The following SAMD4B variants were observed in gnomAD, a reference collection of about 807,000 sequenced individuals.
The protein encoded by SAMD4B is protein Smaug homolog 2.
In SAMD4B, 5 loss-of-function variants were observed where a neutral mutation model predicts 74.5. That is an observed-to-expected ratio of 0.07 (90% confidence interval 0.04 to 0.14). The LOEUF (loss-of-function observed/expected upper bound fraction) is 0.14. Among genes scored for constraint, SAMD4B ranks in the 10% least tolerant of loss-of-function variants. The pLI is 1.00. For missense variants in SAMD4B, 608 were observed against 921.8 expected (o/e 0.66, Z 4.41); for synonymous variants, 373 against 374.9 (o/e 1.00, Z 0.06).
At chr19:39,360,293 T>C (rs2076576515) in intron 3 of SAMD4B, 1 of 152,188 alleles carries the variant, frequency 6.6e-6, no homozygotes, top group Admixed American at 6.5e-5. Flanking sequence ...TCCCAGATGG[T>C]TTGCAGTGGG....
intron 3 of SAMD4B, among the ~76,000 whole-genome samples, chr19:39,367,954 C>T (rs977627579): frequency 4.0e-5 from 6 of 151,770 alleles, no homozygotes; most frequent in Admixed American, 2.0e-4. Flanking sequence ...GTGGCTCACG[C>T]CTGTAATCCC....
At chr19:39,374,594 C>T (rs1298700443) in intron 4 of SAMD4B, among the ~76,000 whole-genome samples, 1 of 152,206 alleles carries the variant, frequency 6.6e-6, no homozygotes, top group Non-Finnish European at 1.5e-5. Flanking sequence ...GTAATCCCAG[C>T]ACTTTAGGAG....
chr19:39,389,850 G>T (rs1600614907), downstream of SAMD4B: 1 of 1,553,136 alleles, frequency 6.4e-7, no homozygotes, highest in Non-Finnish European at 8.9e-7. The surrounding 1 kb of genome is among the most constrained non-coding windows in gnomAD (Gnocchi z 5.3). Context: ...CTCTGGGGAG[G>T]AACTCAGAAT....
Position 39,378,386 on chromosome 19 carries a change from T to C in SAMD4B, c.1445-118T>C. On this transcript the variant is annotated intron_variant, in intron 8 of 13. Transcript: ENST00000610417. This position sits in a 1 kb window ranked among gnomAD's most constrained non-coding sequence, Gnocchi z 4.4. ...AAATACCATGGCTAGCACTTAATAG[T>C]TGATATTCATCCAGCCTGAGTCTCC... is the stretch of plus-strand genomic sequence containing the variant. 1.3e-6 allele frequency: 1 copy of C among 799,260 alleles called. No homozygotes were observed. The highest frequency in any genetic ancestry group is 2.1e-6 in the Non-Finnish European group (1 of 472,862). The allele number at this position is 799,260 out of a possible 1,614,324, so 49.5% of individuals were successfully genotyped here.
At chr19:39,348,134 T>C (rs927554124) in intron 1 of SAMD4B, among the ~76,000 whole-genome samples, 1 of 152,150 alleles carries the variant, frequency 6.6e-6, no homozygotes, top group African/African-American at 2.4e-5. Flanking sequence ...AATCTAAGCA[T>C]TGTTACATGC....
chr19:39,390,321 G>A (rs559261552), downstream of SAMD4B: 167 of 1,593,878 alleles, frequency 1.0e-4, no homozygotes, highest in East Asian at 8.9e-4. Context: ...GTGATAGGTG[G>A]AGAGGACGGG....
chr19:39,379,439 C>T (rs1009027716), intron 9 of SAMD4B, among the ~76,000 whole-genome samples: 19 of 152,222 alleles, frequency 1.2e-4, no homozygotes, highest in African/African-American at 4.6e-4. Flanking sequence ...CTGTTCTTCT[C>T]CCTCAGGGAG....
chr19:39,389,765 G>T (rs767002882), downstream of SAMD4B: 70 of 1,614,106 alleles, frequency 4.3e-5, no homozygotes, highest in Non-Finnish European at 5.8e-5. The surrounding 1 kb of genome is among the most constrained non-coding windows in gnomAD (Gnocchi z 5.3). Flanking sequence ...GACGAACCTG[G>T]GTGGGGAAAC....
chr19:39,346,996 G>A (rs1271064993), intron 1 of SAMD4B, among the ~76,000 whole-genome samples: 1 of 152,082 alleles, frequency 6.6e-6, no homozygotes, highest in Non-Finnish European at 1.5e-5. Context: ...TAAAAAAAAA[G>A]CTCATATCAG....
chr19:39,378,286 A>G lies in SAMD4B; in HGVS notation c.1445-218A>G, dbSNP rs554254626. Among the ~76,000 whole-genome samples the G allele has an allele frequency of 6.6e-6, 1 of 152,310 alleles. No homozygotes were observed. Among genetic ancestry groups the G allele is most frequent in the Admixed American group, 6.5e-5 (1 of 15,298 alleles). On this transcript the variant is annotated intron_variant, in intron 8 of 13. Transcript: ENST00000610417. The surrounding 1 kb of genome is among the most constrained non-coding windows in gnomAD (Gnocchi z 4.4). ...GGCAAGTGACTCAACTCTGAGCTTT[A>G]GGTTTCTAAGGCTAAAAATGTGTGT...
chr19:39,386,639 C>G (rs903790467), downstream of SAMD4B: 11 of 1,600,172 alleles, frequency 6.9e-6, no homozygotes, highest in African/African-American at 1.5e-4. The surrounding 1 kb of genome is among the most constrained non-coding windows in gnomAD (Gnocchi z 6.1). Flanking sequence ...CCCCTCCTCA[C>G]CTACAACCAC....
Position 39,376,760 on chromosome 19 carries a change from A to G in SAMD4B, c.1073A>G (p.Glu358Gly), listed in dbSNP as rs913330167. 1.2e-6 allele frequency: 2 copies of G among 1,614,230 alleles called. No individual in the cohort carries two copies. The highest frequency in any genetic ancestry group is 1.7e-6 in the Non-Finnish European group (2 of 1,180,046). ...GCCCTGAGCATCCAGAAGCTGCGTGAGAGACAGAGCGTCCTCAAGTCCCTA... is the reference window on the plus strand; with the variant it reads ...GCCCTGAGCATCCAGAAGCTGCGTGGGAGACAGAGCGTCCTCAAGTCCCTA... ...KIALSIQKLRERQSVLKSLEK... is the reference protein window; with the variant it reads ...KIALSIQKLRGRQSVLKSLEK... Residue 358 changes from glutamate (E) to glycine (G), a missense_variant, in exon 7 of 14, where the codon GAG (glutamate) becomes GGG (glycine). By Grantham distance (98) the Glu-to-Gly change is moderately conservative. Coordinates refer to ENST00000610417, the MANE Select transcript of SAMD4B (RefSeq NM_001384574.2).
At chr19:39,342,899 G>A (rs2075398674) in intron 1 of SAMD4B, among the ~76,000 whole-genome samples, 1 of 145,972 alleles carries the variant, frequency 6.9e-6, no homozygotes, top group Non-Finnish European at 1.5e-5. Flanking sequence ...GCCCCGGAAA[G>A]CCTGCCGATC....
chr19:39,389,417 C>A (rs1283094987), downstream of SAMD4B: 2 of 1,610,886 alleles, frequency 1.2e-6, no homozygotes, highest in African/African-American at 2.7e-5. This position sits in a 1 kb window ranked among gnomAD's most constrained non-coding sequence, Gnocchi z 5.3. Context: ...CAGGACCCCA[C>A]TGCCCTCCTG....
intron 3 of SAMD4B, among the ~76,000 whole-genome samples, chr19:39,360,396 C>T (rs1345062577): frequency 1.3e-5 from 2 of 151,956 alleles, no homozygotes; most frequent in Admixed American, 6.6e-5. Context: ...TATCCATAGC[C>T]CCATATCAGA....
At chr19:39,343,852 C>T (rs1600503799) in intron 1 of SAMD4B, among the ~76,000 whole-genome samples, 1 of 151,926 alleles carries the variant, frequency 6.6e-6, no homozygotes. Context: ...CCGTAGAACT[C>T]CCCTTCACTA....
chr19:39,377,448 G>T (rs1347404159), intron 7 of SAMD4B, 37 bp from the exon 8 acceptor site: 1 of 1,486,060 alleles, frequency 6.7e-7, no homozygotes. Flanking sequence ...TCATTGTAGG[G>T]TCTGCATGTG....
At chr19:39,353,571 A>G (rs2076174757) in intron 1 of SAMD4B, among the ~76,000 whole-genome samples, 1 of 152,062 alleles carries the variant, frequency 6.6e-6, no homozygotes, top group Non-Finnish European at 1.5e-5. Flanking sequence ...GTAGTTACAG[A>G]TCAAACATTG....
intron 4 of SAMD4B, among the ~76,000 whole-genome samples, chr19:39,372,415 C>A (rs78368230): frequency 2.0e-5 from 3 of 152,152 alleles, no homozygotes; most frequent in Non-Finnish European, 2.9e-5. Context: ...ACCCTCAGAC[C>A]TCAGTGTGTG....
Sources: allele counts gnomAD v4.1 joint callset (sites outside exome capture counted in the v4.1 genomes callset), GRCh38; gene constraint gnomAD v4.1.1; non-coding constraint Gnocchi (gnomAD v3.1); transcripts MANE v1.5; gene names NCBI Gene and HGNC (gene_info 2026-07-23, HGNC 2026-07-21).